Variants in PSG7 observed in about 807,000 individuals in gnomAD.
The protein encoded by PSG7 is pregnancy-specific beta-1-glycoprotein 7.
In PSG7, 57 loss-of-function variants were observed where a neutral mutation model predicts 45.6. The ratio of observed to expected loss-of-function variants is 1.25; its 90% CI spans 1.01 to 1.56. The LOEUF is 1.56. Ranked by LOEUF, PSG7 falls within the 40% of genes most tolerant of loss-of-function variation. The probability of loss-of-function intolerance (pLI) is 0.00; values close to 1 mark genes in which losing one functional copy is unlikely to be tolerated. For synonymous variants in PSG7, 298 were observed against 194.4 expected (o/e 1.53, Z -4.43); for missense variants, 796 against 508.4 (o/e 1.57, Z -5.44).
intron 1 of PSG7, among the ~76,000 whole-genome samples, 177 bp downstream of exon 1, chr19:42,936,836 A>G (rs1973162105): frequency 6.6e-6 from 1 of 151,342 alleles, no homozygotes. Flanking sequence ...TTTAGTACAG[A>G]CAGGGCTACA....
chr19:42,932,640 T>C (rs1396035846), intron 2 of PSG7, among the ~76,000 whole-genome samples: 2 of 151,580 alleles, frequency 1.3e-5, no homozygotes. Context: ...CTGGCTGTCC[T>C]CACTCATTCC....
Position 42,933,820 on chromosome 19 carries a change from G to A in PSG7, c.430+1584C>T, listed in dbSNP as rs1300606611. Among the ~76,000 whole-genome samples the A allele has an allele frequency of 2.6e-5, 4 of 151,108 alleles. No homozygotes were observed. In the East Asian group the frequency reaches 7.8e-4, roughly 30 times the overall value. The stretch of plus-strand genomic sequence containing the variant: ...CCCCATTTCCACAGTCCAGGACCAA[G>A]GAGCCCTGAGAACCCTCCGTGGCCA... On this transcript the variant is annotated intron_variant, in intron 2 of 5. Transcript: ENST00000406070.
chr19:42,929,543 T>A lies in PSG7; in HGVS notation c.608A>T (p.Tyr203Phe), dbSNP rs768983549. ...LQLSETNRTL[Y>F]LFGVTNYTAG... is the part of the protein sequence containing the mutation. ...AGTATAGTTTGTGACACCAAATAGGTAGAGGGTCCTGTTGGTTTCAGACAG... is the reference window on the plus strand; with the variant it reads ...AGTATAGTTTGTGACACCAAATAGGAAGAGGGTCCTGTTGGTTTCAGACAG... The change falls in exon 3 of 6, where the codon TAC (tyrosine) becomes TTC (phenylalanine). Residue 203 changes from tyrosine (Y) to phenylalanine (F), a missense_variant. Transcript: ENST00000406070. 8 of 1,612,486 alleles carry A rather than the reference T, an allele frequency of 5.0e-6. 1 individual carries two copies. The South Asian group carries it at 5.5e-5, about 11-fold the overall frequency.
At position 42,926,360 on chromosome 19, in the gene PSG7, A is replaced by G; in HGVS notation, c.988+78T>C. 6.9e-6 allele frequency: 11 copies of G among 1,586,318 alleles called. 1 individual carries two copies. The highest frequency in any genetic ancestry group is 9.4e-6 in the Non-Finnish European group (11 of 1,166,510). ...ATACTTGGACCGGAGAGAGACTGAG[A>G]GGACTGGCCTCTGGTCGTTTGGAGT... On this transcript the variant is annotated intron_variant, in intron 4 of 5. Coordinates refer to ENST00000406070, the MANE Select transcript of PSG7 (RefSeq NM_002783.3).
intron 2 of PSG7, among the ~76,000 whole-genome samples, chr19:42,932,423 A>G (rs1490103139): frequency 6.6e-6 from 1 of 151,568 alleles, no homozygotes; most frequent in Non-Finnish European, 1.5e-5. Context: ...GCCTGACAGA[A>G]AGCCAGAAGT....
Position 42,929,673 on chromosome 19 carries a change from C to T in PSG7, c.478G>A (p.Glu160Lys). 1 of 1,612,378 alleles carries T rather than the reference C, an allele frequency of 6.2e-7. No individual in the cohort carries two copies. Among genetic ancestry groups the T allele is most frequent in the African/African-American group, 1.3e-5 (1 of 74,714 alleles). The change falls in exon 3 of 6, where the codon GAG (glutamate) becomes AAG (lysine). Residue 160 changes from glutamate to lysine, a missense_variant. By Grantham distance (56) the Glu-to-Lys change is moderately conservative. Transcript: ENST00000406070. Reference sequence around the variant, plus strand: ...GTTAAAATCACAGCCTCCGTGGCCTCCCTGGGGTTGAAATTGCTGCTGGAG... The same window carrying T: ...GTTAAAATCACAGCCTCCGTGGCCTTCCTGGGGTTGAAATTGCTGCTGGAG... Reference protein sequence around the residue: ...SISSSNFNPREATEAVILTCD... With the variant: ...SISSSNFNPRKATEAVILTCD...
intron 2 of PSG7, 144 bp from the exon 3 acceptor site, chr19:42,929,864 G>C: frequency 3.0e-6 from 4 of 1,318,558 alleles, no homozygotes; most frequent in Non-Finnish European, 4.2e-6. Flanking sequence ...TTACAAGACA[G>C]ATGCATGGCA....
chr19:42,936,471 T>A (rs7507381), intron 1 of PSG7: 24,426 of 155,448 alleles, frequency 0.16, 2,492 homozygotes, highest in African/African-American at 0.2. Flanking sequence ...AGTTATTATT[T>A]TCATTTTTCA....
In PSG7 at chr19:42,933,838, C is replaced by G. The variant is rs559123238; in HGVS notation, c.430+1566G>C. On this transcript the variant is annotated intron_variant, in intron 2 of 5. Transcript: ENST00000406070. ...GGACCAAGGAGCCCTGAGAACCCTCCGTGGCCAAAGAGCTTCAGAGTTACA... is the reference window on the plus strand; with the variant it reads ...GGACCAAGGAGCCCTGAGAACCCTCGGTGGCCAAAGAGCTTCAGAGTTACA... 2.2e-4 allele frequency among the ~76,000 whole-genome samples: 33 copies of G among 151,114 alleles called. 1 individual carries two copies. Among genetic ancestry groups the G allele is most frequent in the Non-Finnish European group, 2.8e-4 (19 of 67,754 alleles).
In PSG7 at chr19:42,934,776, G is replaced by T. The variant is rs570379739; in HGVS notation, c.430+628C>A. On this transcript the variant is annotated intron_variant, in intron 2 of 5. Coordinates refer to ENST00000406070, the MANE Select transcript of PSG7 (RefSeq NM_002783.3). ...GGCCTCCTAAGGCAGTTGGCTGATG[G>T]CCTACAAAGCTTGTCTTTCTGTCCT... 1.1e-4 allele frequency among the ~76,000 whole-genome samples: 17 copies of T among 151,646 alleles called. 1 individual carries two copies. The East Asian group carries it at 1.6e-3, about 14-fold the overall frequency.
chr19:42,935,531 T>C lies in PSG7; in HGVS notation c.303A>G (p.Val101=), dbSNP rs782077502. The change falls in exon 2 of 6, where the codon GTA becomes GTG. Residue 101 remains valine (V), a synonymous_variant. Coordinates refer to ENST00000406070, the MANE Select transcript of PSG7 (RefSeq NM_002783.3). ...GGATCAGCAGGGATGCATTGGAATATACTGTTTCTCGTCCACTGTATGCAG... is the reference window on the plus strand; with the variant it reads ...GGATCAGCAGGGATGCATTGGAATACACTGTTTCTCGTCCACTGTATGCAG... ...YGPAYSGRET[V]YSNASLLIQN... is the part of the protein sequence containing the mutation. 8.1e-6 allele frequency: 13 copies of C among 1,612,106 alleles called. No homozygotes were observed. The highest frequency in any genetic ancestry group is 9.3e-6 in the Non-Finnish European group (11 of 1,179,046).
At position 42,925,982 on chromosome 19, in the gene PSG7, T is replaced by C. The variant is rs550723421; in HGVS notation, c.1034A>G (p.His345Arg). The change falls in exon 5 of 6, where the codon CAT (histidine) becomes CGT (arginine). Residue 345 changes from histidine (H) to arginine (R), a missense_variant. Coordinates refer to ENST00000406070, the MANE Select transcript of PSG7 (RefSeq NM_002783.3). Reference sequence around the variant, plus strand: ...GGACAAGTAGAGGTTTTGTCCTGAATGGTAATAGGTGAATGAAGGGTAAAT... The same window carrying C: ...GGACAAGTAGAGGTTTTGTCCTGAACGGTAATAGGTGAATGAAGGGTAAAT... ...PRIYPSFTYY[H>R]SGQNLYLSCF... The C allele has an allele frequency of 1.4e-4, 219 of 1,611,918 alleles. 7 individuals carry two copies. The highest frequency in any genetic ancestry group is 1.6e-4 in the Non-Finnish European group (187 of 1,179,070).
At position 42,925,544 on chromosome 19, in the gene PSG7, C is replaced by G. The variant is rs191126445; in HGVS notation, c.1243+229G>C. 119 of 1,124,834 alleles carry G rather than the reference C, an allele frequency of 1.1e-4. 2 individuals are homozygous for G. The African/African-American group carries it at 1.7e-3, about 16-fold the overall frequency. 69.7% of individuals were successfully genotyped at this position (1,124,834 alleles called of 1,614,324 possible). ...TTATTATCAATTATTTCAATGAAAT[C>G]AATGTTTTTCCTGCTTGGTCTAGGC... is the stretch of plus-strand genomic sequence containing the variant. On this transcript the variant is annotated intron_variant, in intron 5 of 5. Coordinates refer to ENST00000406070, the MANE Select transcript of PSG7 (RefSeq NM_002783.3).
chr19:42,937,069 G>T lies in PSG7; in HGVS notation c.8C>A (p.Pro3His). The T allele has an allele frequency of 6.2e-7, 1 of 1,611,248 alleles. No homozygotes were observed. The highest frequency in any genetic ancestry group is 2.2e-5 in the East Asian group (1 of 44,768). Residue 3 changes from proline (P) to histidine (H), a missense_variant, in exon 1 of 6, where the codon CCC becomes CAC. Pro to His is a moderately conservative substitution (Grantham distance 77, BLOSUM62 -2). Transcript: ENST00000406070. MG[P>H]LSAPPCTQHI... Reference sequence around the variant, plus strand: ...CTGTGTGCAGGGAGGGGCTGAGAGGGGCCCCATGGTCTCTGCTCCCTGCGT... The same window carrying T: ...CTGTGTGCAGGGAGGGGCTGAGAGGTGCCCCATGGTCTCTGCTCCCTGCGT...
rs188664466 is a variant in PSG7, at chr19:42,925,859, G to A, written c.1157C>T (p.Thr386Ile). 8 of 1,612,072 alleles carry A rather than the reference G, an allele frequency of 5.0e-6. 1 individual carries two copies. The South Asian group carries it at 7.7e-5, about 16-fold the overall frequency. The change falls in exon 5 of 6, where the codon ACA becomes ATA. Residue 386 changes from threonine (T) to isoleucine (I), a missense_variant. Transcript: ENST00000406070. ...GQKLSIPQIT[T>I]KHSGLYACSV... ...GCAAGCATAGAGCCCGCTATGCTTT[G>A]TAGTAATCTGGGGGATAGAAAGCTT...
chr19:42,929,679 G>T lies in PSG7; in HGVS notation c.472C>A (p.Pro158Thr), dbSNP rs2122683853. 6.2e-7 allele frequency: 1 copy of T among 1,612,348 alleles called. No individual in the cohort carries two copies. The highest frequency in any genetic ancestry group is 8.5e-7 in the Non-Finnish European group (1 of 1,179,156). Reference protein sequence around the residue: ...KPSISSSNFNPREATEAVILT... With the variant: ...KPSISSSNFNTREATEAVILT... Reference sequence around the variant, plus strand: ...ATCACAGCCTCCGTGGCCTCCCTGGGGTTGAAATTGCTGCTGGAGATGGAG... The same window carrying T: ...ATCACAGCCTCCGTGGCCTCCCTGGTGTTGAAATTGCTGCTGGAGATGGAG... The change falls in exon 3 of 6, where the codon CCC becomes ACC. Residue 158 changes from proline (P) to threonine (T), a missense_variant. Physicochemically the swap from Pro to Thr is conservative, Grantham distance 38. Transcript: ENST00000406070.
Position 42,929,700 on chromosome 19 carries a change from T to A in PSG7, c.451A>T (p.Ile151Phe), listed in dbSNP as rs1207376162. 1.2e-6 allele frequency: 2 copies of A among 1,612,166 alleles called. No homozygotes were observed. The highest frequency in any genetic ancestry group is 1.3e-5 in the African/African-American group (1 of 74,708). ...TLYLETPKPSISSSNFNPREA... is the reference protein window; with the variant it reads ...TLYLETPKPSFSSSNFNPREA... ...CTGGGGTTGAAATTGCTGCTGGAGATGGAGGGTTTGGGAGTCTCCACTGTG... is the reference window on the plus strand; with the variant it reads ...CTGGGGTTGAAATTGCTGCTGGAGAAGGAGGGTTTGGGAGTCTCCACTGTG... Residue 151 changes from isoleucine (I) to phenylalanine (F), a missense_variant, in exon 3 of 6, where the codon ATC becomes TTC. By Grantham distance (21) the Ile-to-Phe change is conservative. Coordinates refer to ENST00000406070, the MANE Select transcript of PSG7 (RefSeq NM_002783.3).
chr19:42,935,962 TC>T (rs1182211653), intron 1 of PSG7, among the ~76,000 whole-genome samples, 193 bp from the exon 2 acceptor site: 2 of 150,866 alleles, frequency 1.3e-5, no homozygotes, highest in African/African-American at 4.9e-5. Context: ...TCTGTGTGTG[TC>T]CTACTGTCCT....
rs56993946 is a variant in PSG7 at position 42,925,810 on chromosome 19, G to C, written c.1206C>G (p.Gly402=). 2 of 1,611,982 alleles carry C rather than the reference G, an allele frequency of 1.2e-6. No homozygotes were observed. Among genetic ancestry groups the C allele is most frequent in the African/African-American group, 1.3e-5 (1 of 74,704 alleles). The stretch of plus-strand genomic sequence containing the variant: ...CTGTCACGGATTTGGAGCTTTCCTT[G>C]CCAGTGGCTGAGTTACGAACAGAGC... ...YACSVRNSAT[G]KESSKSVTVR... Residue 402 remains glycine, a synonymous_variant, in exon 5 of 6, where the codon GGC becomes GGG. Transcript: ENST00000406070.
Sources: allele counts gnomAD v4.1 joint callset (sites outside exome capture counted in the v4.1 genomes callset), GRCh38; gene constraint gnomAD v4.1.1; transcripts MANE v1.5; gene names NCBI Gene and HGNC (gene_info 2026-07-23, HGNC 2026-07-21).